Variants in DNAJC12 observed in about 807,000 individuals in gnomAD.
The protein encoded by DNAJC12 is dnaJ homolog subfamily C member 12.
Under a neutral mutation model 28.5 loss-of-function variants are expected in DNAJC12, and 25 were observed. The observed-to-expected ratio is 0.88, with a 90% CI of 0.64 to 1.22. The LOEUF (loss-of-function observed/expected upper bound fraction) is 1.22. Among genes scored for constraint, DNAJC12 ranks in the 50% most tolerant of loss-of-function variants. The pLI, the probability that DNAJC12 is intolerant of heterozygous loss-of-function variation, is 0.00. For missense variants in DNAJC12, 222 were observed against 231.7 expected (o/e 0.96, Z 0.27); for synonymous variants, 77 against 80.6 (o/e 0.95, Z 0.24).
chr10:67,824,278 G>C (rs1346847794), intron 1 of DNAJC12, among the ~76,000 whole-genome samples: 1 of 151,098 alleles, frequency 6.6e-6, no homozygotes, highest in Non-Finnish European at 1.5e-5. Flanking sequence ...AAAATGATCA[G>C]GTAGGTTTCT....
At chr10:67,823,021 A>G (rs1841995369) in intron 2 of DNAJC12, among the ~76,000 whole-genome samples, 2 of 152,188 alleles carry the variant, frequency 1.3e-5, no homozygotes, top group South Asian at 2.1e-4. Context: ...CCTGGTTACA[A>G]ATATACTTAA....
At chr10:67,819,699 G>A (rs373020209) in intron 2 of DNAJC12, among the ~76,000 whole-genome samples, 5,169 of 23,394 alleles carry the variant, frequency 0.22, 859 homozygotes, top group South Asian at 0.3. Context: ...AGAAAGAAAG[G>A]AAGGAAGGAA....
intron 3 of DNAJC12, among the ~76,000 whole-genome samples, chr10:67,807,023 A>G (rs1451996321): frequency 6.6e-6 from 1 of 152,120 alleles, no homozygotes; most frequent in Non-Finnish European, 1.5e-5. Flanking sequence ...GCACTCTGGG[A>G]GGCCTAGGTG....
chr10:67,811,685 G>A, intron 2 of DNAJC12, 22 bp from the exon 3 acceptor site: 2 of 1,606,942 alleles, frequency 1.2e-6, no homozygotes, highest in South Asian at 1.1e-5. Flanking sequence ...ATCAAGAAAT[G>A]AGCACTTCTC....
intron 2 of DNAJC12, among the ~76,000 whole-genome samples, chr10:67,816,352 T>C (rs146861321): frequency 3.2e-4 from 49 of 152,218 alleles, no homozygotes; most frequent in Admixed American, 2.4e-3. Flanking sequence ...CATTATTTAT[T>C]AATTATGTTA....
At chr10:67,814,642 T>C (rs1011990897) in intron 2 of DNAJC12, among the ~76,000 whole-genome samples, 2 of 152,222 alleles carry the variant, frequency 1.3e-5, no homozygotes, top group African/African-American at 4.8e-5. Flanking sequence ...CTAGAATTTA[T>C]AGAGAACATT....
chr10:67,828,983 T>G (rs1188977242), intron 1 of DNAJC12, among the ~76,000 whole-genome samples: 1 of 151,854 alleles, frequency 6.6e-6, no homozygotes, highest in Non-Finnish European at 1.5e-5. Flanking sequence ...AAAACACAAA[T>G]AAGACAGCTC....
intron 2 of DNAJC12, among the ~76,000 whole-genome samples, chr10:67,821,408 C>T (rs1223297421): frequency 3.9e-5 from 6 of 151,968 alleles, no homozygotes; most frequent in East Asian, 1.9e-4. Context: ...CCCAGCTACT[C>T]GGGAGGCTGA....
At chr10:67,805,140 T>C (rs1336597873) in intron 4 of DNAJC12, among the ~76,000 whole-genome samples, 1 of 152,180 alleles carries the variant, frequency 6.6e-6, no homozygotes, top group African/African-American at 2.4e-5. Flanking sequence ...CCCCTTTCCC[T>C]TCCCATACAA....
At chr10:67,835,668 A>G (rs1193404446) in intron 1 of DNAJC12, among the ~76,000 whole-genome samples, 1 of 151,624 alleles carries the variant, frequency 6.6e-6, no homozygotes, top group Non-Finnish European at 1.5e-5. Flanking sequence ...CCAGCCCGGC[A>G]ACAGAGTGAG....
At chr10:67,833,833 A>T in intron 1 of DNAJC12, 1 of 500,574 alleles carries the variant, frequency 2.0e-6, no homozygotes, top group Non-Finnish European at 4.1e-6. Flanking sequence ...TATGTTTTGC[A>T]AGCCATGGAG....
At chr10:67,832,265 C>CA (rs200725436) in intron 1 of DNAJC12, among the ~76,000 whole-genome samples, 3,807 of 67,072 alleles carry the variant, frequency 0.057, 72 homozygotes, top group African/African-American at 0.086. Flanking sequence ...AACTCCATCT[C>CA]AAAAAAAAAA....
intron 1 of DNAJC12, among the ~76,000 whole-genome samples, chr10:67,831,495 T>G (rs1036958304): frequency 2.0e-5 from 3 of 152,200 alleles, no homozygotes; most frequent in Non-Finnish European, 4.4e-5. Flanking sequence ...AATTCCCACT[T>G]GGATGAATAT....
chr10:67,797,252 A>G (rs1174249164), intron 4 of DNAJC12, 42 bp from the exon 5 acceptor site: 4 of 1,553,072 alleles, frequency 2.6e-6, no homozygotes, highest in Non-Finnish European at 2.7e-6. Flanking sequence ...CAGAAGTAGG[A>G]AAAGTCGATC....
chr10:67,826,920 A>G (rs1367129004), intron 1 of DNAJC12, among the ~76,000 whole-genome samples: 1 of 130,534 alleles, frequency 7.7e-6, no homozygotes, highest in African/African-American at 2.8e-5. Flanking sequence ...TATGATATAT[A>G]ATATATATAT....
chr10:67,837,228 T>A lies in DNAJC12; in HGVS notation c.78+706A>T, dbSNP rs571842582. On this transcript the variant is annotated intron_variant, in intron 1 of 4. Coordinates refer to ENST00000225171, the MANE Select transcript of DNAJC12 (RefSeq NM_021800.3). The stretch of plus-strand genomic sequence containing the variant: ...CTTTAAAGAATATACATAGAAAGAA[T>A]AGTGGAGATTAATATGCCAAAATAT... Among the ~76,000 whole-genome samples the A allele has an allele frequency of 6.6e-5, 10 of 152,092 alleles. No individual in the cohort carries two copies. In the South Asian group the frequency reaches 2.1e-3, roughly 31 times the overall value.
At chr10:67,809,769 T>C (rs531704254) in intron 3 of DNAJC12, among the ~76,000 whole-genome samples, 1 of 152,148 alleles carries the variant, frequency 6.6e-6, no homozygotes. Flanking sequence ...TTCTCCATTA[T>C]AAATGGGAGC....
At chr10:67,828,333 A>G (rs1209367390) in intron 1 of DNAJC12, among the ~76,000 whole-genome samples, 1 of 152,142 alleles carries the variant, frequency 6.6e-6, no homozygotes, top group East Asian at 1.9e-4. Flanking sequence ...GTGTGTATCT[A>G]TCTCTCTATA....
rs71006170 is a variant in DNAJC12, at chr10:67,820,777, CTTTTTTTTTTTT to C, written c.157+2525_157+2536del. On this transcript the variant is annotated intron_variant, in intron 2 of 4. Coordinates refer to ENST00000225171, the MANE Select transcript of DNAJC12 (RefSeq NM_021800.3). ...GACAAGGAAAACATTTTCTTTTTTC[CTTTTTTTTTTTT>C]TTTTTTTTTTTGAGATGGAGTTTCA... 2.5e-4 allele frequency among the ~76,000 whole-genome samples: 17 copies of C among 68,522 alleles called. No homozygotes were observed. In the Admixed American group the frequency reaches 3.4e-3, roughly 14 times the overall value. The allele number at this position is 68,522 out of a possible 152,430, so 45.0% of individuals were successfully genotyped here. A position where few individuals can be genotyped will look rare whatever the true frequency, so the allele number is the denominator to read the frequency against.
Sources: allele counts gnomAD v4.1 joint callset (sites outside exome capture counted in the v4.1 genomes callset), GRCh38; gene constraint gnomAD v4.1.1; transcripts MANE v1.5; gene names NCBI Gene and HGNC (gene_info 2026-07-23, HGNC 2026-07-21).